The following ALPK1 variants were observed in gnomAD, a reference collection of about 807,000 sequenced individuals.
ALPK1 encodes the protein alpha kinase 1, also known as alpha-protein kinase 1.
A neutral mutation model predicts 120.6 loss-of-function variants in ALPK1; 110 were observed. The ratio of observed to expected loss-of-function variants is 0.91; its 90% confidence interval spans 0.78 to 1.07. ALPK1 has a LOEUF of 1.07. Among genes scored for constraint, ALPK1 ranks in the 50% least tolerant of loss-of-function variants. The pLI, the probability that ALPK1 is intolerant of heterozygous loss-of-function variation, is 0.00. For synonymous variants in ALPK1, 582 were observed against 560.3 expected (o/e 1.04, Z -0.55); for missense variants, 1,498 against 1,483.9 (o/e 1.01, Z -0.16).
In ALPK1 at chr4:112,384,650, C is replaced by A. The variant is rs1361054890; in HGVS notation, c.276+2098C>A. On this transcript the variant is annotated intron_variant, in intron 4 of 15. Transcript: ENST00000650871. ...ATCAAACACCCTGGGGGTGGGAGTC[C>A]AGCAATCAGCATTAGAGAAGCCCTC... 2.6e-5 allele frequency: 4 copies of A among 152,090 alleles called. No homozygotes were observed. In the East Asian group the frequency reaches 7.7e-4, roughly 29 times the overall value. 9.4% of individuals were successfully genotyped at this position (152,090 alleles called of 1,614,324 possible).
At chr4:112,340,439 C>A (rs1171360512) in intron 2 of ALPK1, among the ~76,000 whole-genome samples, 3 of 152,146 alleles carry the variant, frequency 2.0e-5, no homozygotes, top group Non-Finnish European at 4.4e-5. Flanking sequence ...AAGTTAAATG[C>A]ATACACATAC....
chr4:112,403,333 G>A (rs932315933), intron 4 of ALPK1, among the ~76,000 whole-genome samples: 4 of 152,264 alleles, frequency 2.6e-5, no homozygotes, highest in East Asian at 1.9e-4. Flanking sequence ...CAGAGTGCTG[G>A]TAGAAACACG....
chr4:112,390,618 G>A (rs114777410), intron 4 of ALPK1, among the ~76,000 whole-genome samples: 38 of 152,240 alleles, frequency 2.5e-4, no homozygotes, highest in African/African-American at 7.5e-4. Flanking sequence ...TGGGTGGATG[G>A]ATGGATGAAT....
At chr4:112,354,287 G>A (rs191237533) in intron 2 of ALPK1, among the ~76,000 whole-genome samples, 8 of 151,328 alleles carry the variant, frequency 5.3e-5, no homozygotes, top group East Asian at 1.9e-4. Flanking sequence ...GGTATTCTCC[G>A]TTAGATATTC....
In ALPK1 at chr4:112,430,830, A is replaced by G; in HGVS notation, c.1283A>G (p.Asp428Gly). Residue 428 changes from aspartate (D) to glycine (G), a missense_variant, in exon 11 of 16, where the codon GAT becomes GGT. Coordinates refer to ENST00000650871, the MANE Select transcript of ALPK1 (RefSeq NM_025144.4). Reference protein sequence around the residue: ...HLQVQSFSNVDDRSYVPESFE... With the variant: ...HLQVQSFSNVGDRSYVPESFE... The stretch of plus-strand genomic sequence containing the variant: ...CAAGTTCAAAGCTTCTCAAATGTAG[A>G]TGACAGATCTTATGTTCCCGAGAGT... The G allele has an allele frequency of 6.2e-7, 1 of 1,614,218 alleles. No homozygotes were observed. The highest frequency in any genetic ancestry group is 1.3e-5 in the African/African-American group (1 of 75,060).
intron 1 of ALPK1, among the ~76,000 whole-genome samples, chr4:112,299,319 C>T (rs1727686484): frequency 6.6e-6 from 1 of 152,104 alleles, no homozygotes; most frequent in Admixed American, 6.5e-5. Flanking sequence ...ACAACTTTTC[C>T]TAAGTATGGT....
chr4:112,430,886 C>T lies in ALPK1; in HGVS notation c.1339C>T (p.His447Tyr). Residue 447 changes from histidine (H) to tyrosine (Y), a missense_variant, in exon 11 of 16, where the codon CAT becomes TAT. His to Tyr is a moderately conservative substitution (Grantham distance 83). Transcript: ENST00000650871. ...GTGCAGGTTGGATAAACTTATCTTG[C>T]ATGGGCAAGGGGATTTCCAAAAAAT... is the stretch of plus-strand genomic sequence containing the variant. The part of the protein sequence containing the change: ...FECRLDKLIL[H>Y]GQGDFQKILD... 6.2e-7 allele frequency: 1 copy of T among 1,614,160 alleles called. No individual in the cohort carries two copies. The highest frequency in any genetic ancestry group is 8.5e-7 in the Non-Finnish European group (1 of 1,179,992).
At chr4:112,397,954 T>G (rs1029438004) in intron 4 of ALPK1, among the ~76,000 whole-genome samples, 1 of 152,186 alleles carries the variant, frequency 6.6e-6, no homozygotes, top group Non-Finnish European at 1.5e-5. Context: ...GGTGTATATA[T>G]AATTTAATAT....
intron 4 of ALPK1, among the ~76,000 whole-genome samples, chr4:112,394,163 G>A (rs1429502595): frequency 6.6e-6 from 1 of 152,172 alleles, no homozygotes; most frequent in African/African-American, 2.4e-5. Context: ...ACTCCTAAAT[G>A]TGGGGTTTTC....
chr4:112,334,043 T>C (rs1233601405), intron 2 of ALPK1, among the ~76,000 whole-genome samples: 1 of 152,106 alleles, frequency 6.6e-6, no homozygotes, highest in Non-Finnish European at 1.5e-5. Context: ...TTTTTACAAA[T>C]GTATAGTACT....
chr4:112,300,895 T>C (rs1013317468), intron 1 of ALPK1, among the ~76,000 whole-genome samples: 1 of 152,332 alleles, frequency 6.6e-6, no homozygotes, highest in Admixed American at 6.5e-5. Context: ...ATGCACTGTG[T>C]CATTGGCTCA....
intron 2 of ALPK1, among the ~76,000 whole-genome samples, chr4:112,375,423 A>G (rs1302221465): frequency 6.6e-6 from 1 of 152,000 alleles, no homozygotes; most frequent in Non-Finnish European, 1.5e-5. Context: ...TAGCTTTTCT[A>G]TATAATTTGC....
At chr4:112,439,557 T>C (rs558693170) in intron 13 of ALPK1, 129 bp from the exon 14 acceptor site, 1 of 664,974 alleles carries the variant, frequency 1.5e-6, no homozygotes, top group Non-Finnish European at 2.4e-6. Context: ...TATACCTACT[T>C]TACCCATGAT....
chr4:112,356,421 G>T, intron 2 of ALPK1: 1 of 868,110 alleles, frequency 1.2e-6, no homozygotes. Context: ...TGATAATGGA[G>T]ACCCCTTAGC....
intron 2 of ALPK1, among the ~76,000 whole-genome samples, chr4:112,342,131 A>T (rs1302706049): frequency 6.6e-6 from 1 of 152,198 alleles, no homozygotes; most frequent in Non-Finnish European, 1.5e-5. Context: ...TAGCACTATG[A>T]GCATTTATGG....
chr4:112,410,464 C>A (rs1002208536), intron 4 of ALPK1, among the ~76,000 whole-genome samples: 2 of 152,208 alleles, frequency 1.3e-5, no homozygotes, highest in Admixed American at 1.3e-4. Context: ...CTGTGCCTGG[C>A]ACCTGGTTTT....
At chr4:112,313,038 C>T (rs1728477951) in intron 1 of ALPK1, among the ~76,000 whole-genome samples, 1 of 152,208 alleles carries the variant, frequency 6.6e-6, no homozygotes, top group Admixed American at 6.5e-5. Flanking sequence ...AAGGTTCAGT[C>T]ATTAACAAAG....
intron 2 of ALPK1, among the ~76,000 whole-genome samples, chr4:112,365,834 G>T (rs1049825794): frequency 2.0e-4 from 30 of 152,132 alleles, no homozygotes; most frequent in African/African-American, 7.0e-4. Flanking sequence ...CACCAAAACA[G>T]CATGGTACTG....
intron 2 of ALPK1, among the ~76,000 whole-genome samples, chr4:112,375,302 C>T (rs1180601765): frequency 6.6e-6 from 1 of 152,042 alleles, no homozygotes; most frequent in Admixed American, 6.5e-5. Context: ...ACCTCAGCCT[C>T]CTGAGTAACT....
Sources: gnomAD v4.1 joint callset for allele counts (sites outside exome capture counted in the v4.1 genomes callset) on GRCh38, gnomAD v4.1.1 for gene constraint, MANE v1.5 for transcripts, NCBI Gene and HGNC (gene_info 2026-07-23, HGNC 2026-07-21) for gene names.